The following ZNF827 variants were observed in gnomAD, a reference collection of about 807,000 sequenced individuals.
ZNF827 encodes zinc finger protein 827.
Under a neutral mutation model 102.4 loss-of-function variants are expected in ZNF827, and 13 were observed. The ratio of observed to expected loss-of-function variants is 0.13; its 90% confidence interval spans 0.08 to 0.20. The LOEUF (loss-of-function observed/expected upper bound fraction) is 0.20, where lower values mean the gene tolerates loss of function less well. ZNF827 is among the 10% of genes least tolerant of loss of function. The probability of loss-of-function intolerance (pLI) is 1.00; values close to 1 mark genes in which losing one functional copy is unlikely to be tolerated. For missense variants in ZNF827, 1,103 were observed against 1,344.4 expected (o/e 0.82, Z 2.81); for synonymous variants, 523 against 536.2 (o/e 0.98, Z 0.34).
At chr4:145,808,352 T>C (rs948394319) in intron 8 of ZNF827, among the ~76,000 whole-genome samples, 4 of 152,090 alleles carry the variant, frequency 2.6e-5, no homozygotes, top group Non-Finnish European at 5.9e-5. Context: ...ATTCCTATAA[T>C]ACAGCTGATT....
chr4:145,907,784 C>T (rs1335917352), intron 1 of ZNF827, among the ~76,000 whole-genome samples: 1 of 152,244 alleles, frequency 6.6e-6, no homozygotes, highest in African/African-American at 2.4e-5. Flanking sequence ...CAGGTTCACA[C>T]TCATTCTTGT....
intron 7 of ZNF827, among the ~76,000 whole-genome samples, chr4:145,827,782 G>T (rs1465990518): frequency 6.6e-6 from 1 of 152,178 alleles, no homozygotes; most frequent in Non-Finnish European, 1.5e-5. Context: ...AATAACACTG[G>T]TTATCCTTAA....
chr4:145,760,645 A>G lies in ZNF827; in HGVS notation c.*971T>C. On this transcript the variant is annotated 3_prime_UTR_variant, in exon 15 of 15. Coordinates refer to ENST00000508784, the MANE Select transcript of ZNF827 (RefSeq NM_001306215.2). ...ATTCCTTACTAAAGATATACAGTAC[A>G]CATGTTCCAGACCCATCGGGGTCTG... is the stretch of plus-strand genomic sequence containing the variant. The G allele has an allele frequency of 2.2e-6, 1 of 456,742 alleles. No individual in the cohort carries two copies. Among genetic ancestry groups the G allele is most frequent in the South Asian group, 4.6e-5 (1 of 21,640 alleles). The allele number at this position is 456,742 out of a possible 1,614,324, so 28.3% of individuals were successfully genotyped here.
intron 7 of ZNF827, among the ~76,000 whole-genome samples, chr4:145,828,591 C>T (rs1743903218): frequency 6.6e-6 from 1 of 152,146 alleles, no homozygotes; most frequent in Non-Finnish European, 1.5e-5. Flanking sequence ...AGCCCAAGCC[C>T]CCTGTTAATT....
intron 1 of ZNF827, among the ~76,000 whole-genome samples, chr4:145,915,123 G>T (rs1315577151): frequency 6.6e-6 from 1 of 152,208 alleles, no homozygotes; most frequent in African/African-American, 2.4e-5. Context: ...GAGAGCAAGA[G>T]CAAGAGATGG....
At chr4:145,888,715 T>G (rs1456703659) in intron 3 of ZNF827, among the ~76,000 whole-genome samples, 1 of 152,242 alleles carries the variant, frequency 6.6e-6, no homozygotes, top group African/African-American at 2.4e-5. Flanking sequence ...ACCAGTGTTC[T>G]TTATCTTAGC....
chr4:145,902,179 T>C lies in ZNF827; in HGVS notation c.1080A>G (p.Lys360=). The C allele has an allele frequency of 6.2e-7, 1 of 1,600,260 alleles. No individual in the cohort carries two copies. Among genetic ancestry groups the C allele is most frequent in the East Asian group, 2.2e-5 (1 of 44,856 alleles). The change falls in exon 2 of 15, where the codon AAA becomes AAG. Residue 360 remains lysine (K), a synonymous_variant. Coordinates refer to ENST00000508784, the MANE Select transcript of ZNF827 (RefSeq NM_001306215.2). The surrounding 1 kb of genome is among the most constrained non-coding windows in gnomAD (Gnocchi z 4.3). The part of the protein sequence containing the change: ...LLPVPKGRVS[K]PSNSASEEES... ...AAGATGCCATACCTGAATTGGAGGG[T>C]TTAGAAACTCTTCCCTTAGGAACTG...
chr4:145,877,827 C>T (rs1749275162), intron 4 of ZNF827, among the ~76,000 whole-genome samples: 1 of 152,146 alleles, frequency 6.6e-6, no homozygotes, highest in Non-Finnish European at 1.5e-5. Context: ...AGGATATCTC[C>T]CTCGTCAAAA....
intron 8 of ZNF827, among the ~76,000 whole-genome samples, chr4:145,820,739 G>C (rs1220501397): frequency 6.6e-6 from 1 of 152,166 alleles, no homozygotes; most frequent in African/African-American, 2.4e-5. Flanking sequence ...CCTAGAACTA[G>C]AGGATCCCAG....
Position 145,762,945 on chromosome 4 carries a change from C to G in ZNF827, c.*17+145G>C, listed in dbSNP as rs1321850830. 2.7e-6 allele frequency: 2 copies of G among 735,360 alleles called. No individual in the cohort carries two copies. Among genetic ancestry groups the G allele is most frequent in the Non-Finnish European group, 4.4e-6 (2 of 455,414 alleles). The allele number at this position is 735,360 out of a possible 1,614,324, so 45.6% of individuals were successfully genotyped here. The stretch of plus-strand genomic sequence containing the variant: ...GGTGTTCAGCAGAGCCCAACACAAC[C>G]AAGTGCACCGTGCACGGCCTCCTCA... On this transcript the variant is annotated intron_variant, in intron 14 of 14. Coordinates refer to ENST00000508784, the MANE Select transcript of ZNF827 (RefSeq NM_001306215.2). This position sits in a 1 kb window ranked among gnomAD's most constrained non-coding sequence, Gnocchi z 4.9.
Position 145,765,252 on chromosome 4 carries a change from C to T in ZNF827, c.3053-87G>A. ...GGAGCCAAGCTCCTCCCCACTTCCTCCCGCCTCCTCCGACGCCTGACAGCT... is the reference window on the plus strand; with the variant it reads ...GGAGCCAAGCTCCTCCCCACTTCCTTCCGCCTCCTCCGACGCCTGACAGCT... On this transcript the variant is annotated intron_variant, in intron 12 of 14. Transcript: ENST00000508784. The surrounding 1 kb of genome is among the most constrained non-coding windows in gnomAD (Gnocchi z 4.7). The T allele has an allele frequency of 7.2e-6, 10 of 1,396,792 alleles. No homozygotes were observed. The highest frequency in any genetic ancestry group is 7.7e-6 in the Non-Finnish European group (8 of 1,045,268). The allele number at this position is 1,396,792 out of a possible 1,614,324, so 86.5% of individuals were successfully genotyped here. A position where few individuals can be genotyped will look rare whatever the true frequency, so the allele number is the denominator to read the frequency against.
In ZNF827 at chr4:145,902,140, G is replaced by C; in HGVS notation, c.1093+26C>G. The C allele has an allele frequency of 6.4e-7, 1 of 1,559,974 alleles. No individual in the cohort carries two copies. The highest frequency in any genetic ancestry group is 8.6e-7 in the Non-Finnish European group (1 of 1,158,934). ...AGTTTATAGTCTAAAGGACTTACACGATGATTGAAAGAAAAGATGCCATAC... is the reference window on the plus strand; with the variant it reads ...AGTTTATAGTCTAAAGGACTTACACCATGATTGAAAGAAAAGATGCCATAC... On this transcript the variant is annotated intron_variant, in intron 2 of 14. Transcript: ENST00000508784. This position sits in a 1 kb window ranked among gnomAD's most constrained non-coding sequence, Gnocchi z 4.3.
In ZNF827 at chr4:145,780,916, G is replaced by A. The variant is rs541072402; in HGVS notation, c.2384-1405C>T. ...AATCCACGCAGATGAAAATGCTCACGCTGGGTGCAGTGGCTCAAGCCTGTA... is the reference window on the plus strand; with the variant it reads ...AATCCACGCAGATGAAAATGCTCACACTGGGTGCAGTGGCTCAAGCCTGTA... On this transcript the variant is annotated intron_variant, in intron 8 of 14. Coordinates refer to ENST00000508784, the MANE Select transcript of ZNF827 (RefSeq NM_001306215.2). 2.0e-5 allele frequency among the ~76,000 whole-genome samples: 3 copies of A among 151,356 alleles called. No homozygotes were observed. The South Asian group carries it at 6.2e-4, about 31-fold the overall frequency.
intron 8 of ZNF827, among the ~76,000 whole-genome samples, chr4:145,819,416 C>A (rs141294669): frequency 3.9e-5 from 6 of 152,244 alleles, no homozygotes; most frequent in Admixed American, 3.3e-4. Flanking sequence ...CTCTTAACAG[C>A]CTTTGCTTAC....
rs763296811 is a variant in ZNF827, at chr4:145,849,469, G to A, written c.2074C>T (p.Arg692Trp). The A allele has an allele frequency of 6.2e-6, 10 of 1,614,010 alleles. No homozygotes were observed. Among genetic ancestry groups the A allele is most frequent in the Admixed American group, 3.3e-5 (2 of 59,996 alleles). The change falls in exon 6 of 15, where the codon CGG (arginine) becomes TGG (tryptophan). Residue 692 changes from arginine to tryptophan, a missense_variant. Transcript: ENST00000508784. ...ATTAAAGTGCTGTAGCCAACATTCC[G>A]GCTGGGTGATATCGAGACATGGGAG... ...QDSHVSISPSRNVGYSTLIGR... is the reference protein window; with the variant it reads ...QDSHVSISPSWNVGYSTLIGR...
Position 145,763,225 on chromosome 4 carries a change from G to A in ZNF827, c.3231-103C>T. 1.7e-6 allele frequency: 2 copies of A among 1,160,734 alleles called. No individual in the cohort carries two copies. The highest frequency in any genetic ancestry group is 4.6e-5 in the Admixed American group (2 of 43,656). 71.9% of individuals were successfully genotyped at this position (1,160,734 alleles called of 1,614,324 possible). A position where few individuals can be genotyped will look rare whatever the true frequency, so the allele number is the denominator to read the frequency against. Reference sequence around the variant, plus strand: ...TCACAGAAAAGCAATTTAGACATCAGCAGTCTGTTTCATTTTAAGGACATT... The same window carrying A: ...TCACAGAAAAGCAATTTAGACATCAACAGTCTGTTTCATTTTAAGGACATT... On this transcript the variant is annotated intron_variant, in intron 13 of 14. Coordinates refer to ENST00000508784, the MANE Select transcript of ZNF827 (RefSeq NM_001306215.2). The surrounding 1 kb of genome is among the most constrained non-coding windows in gnomAD (Gnocchi z 4.6).
intron 5 of ZNF827, among the ~76,000 whole-genome samples, chr4:145,864,694 A>G (rs1748026911): frequency 1.3e-5 from 2 of 152,180 alleles, no homozygotes; most frequent in Admixed American, 1.3e-4. Flanking sequence ...TGAATATGTG[A>G]ATTTTTTGAT....
At chr4:145,871,270 C>T (rs1748659708) in intron 4 of ZNF827, among the ~76,000 whole-genome samples, 1 of 152,208 alleles carries the variant, frequency 6.6e-6, no homozygotes, top group South Asian at 2.1e-4. Flanking sequence ...ATTCACATTA[C>T]TATGAGCTAA....
At chr4:145,910,295 T>G (rs1752186291) in intron 1 of ZNF827, among the ~76,000 whole-genome samples, 1 of 152,148 alleles carries the variant, frequency 6.6e-6, no homozygotes, top group Non-Finnish European at 1.5e-5. Context: ...GCTAAGTCAG[T>G]TTCAGTATTC....
Sources: allele counts gnomAD v4.1 joint callset (sites outside exome capture counted in the v4.1 genomes callset), GRCh38; gene constraint gnomAD v4.1.1; non-coding constraint Gnocchi (gnomAD v3.1); transcripts MANE v1.5; gene names NCBI Gene and HGNC (gene_info 2026-07-23, HGNC 2026-07-21).